DLC1: variants seen among roughly 807,000 people sequenced by gnomAD.
DLC1 encodes the protein rho GTPase-activating protein 7.
Under a neutral mutation model 140.3 loss-of-function variants are expected in DLC1, and 54 were observed. The observed-to-expected ratio is 0.38, with a 90% confidence interval of 0.31 to 0.48. The LOEUF (loss-of-function observed/expected upper bound fraction) is 0.48, where lower values mean the gene tolerates loss of function less well. DLC1 is among the 20% of genes least tolerant of loss of function. DLC1 has a pLI of 0.96. For synonymous variants in DLC1, 986 were observed against 728.1 expected (o/e 1.35, Z -5.70); for missense variants, 2,536 against 1,907.0 (o/e 1.33, Z -6.14).
At chr8:13,422,578 G>A (rs1441302090) in intron 2 of DLC1, among the ~76,000 whole-genome samples, 1 of 152,258 alleles carries the variant, frequency 6.6e-6, no homozygotes, top group Middle Eastern at 3.4e-3. Context: ...TGTTGTGCCA[G>A]TGTAAGTCTC....
chr8:13,603,207 C>T (rs1188001123), intron 1 of DLC1, among the ~76,000 whole-genome samples: 1 of 151,812 alleles, frequency 6.6e-6, no homozygotes, highest in Admixed American at 6.6e-5. Context: ...TGTAGTGTTT[C>T]TAACATCGTG....
rs941412588 is a variant in DLC1 at position 13,102,908 on chromosome 8, G to A, written c.1503-55C>T. ...GATAGGCAACCACTCTCTAATGAGTGGATAAACACCTGTTTTTAAACAATT... is the reference window on the plus strand; with the variant it reads ...GATAGGCAACCACTCTCTAATGAGTAGATAAACACCTGTTTTTAAACAATT... On this transcript the variant is annotated intron_variant, in intron 7 of 17. Transcript: ENST00000276297. The A allele has an allele frequency of 3.7e-5, 53 of 1,435,272 alleles. No homozygotes were observed. The South Asian group carries it at 5.6e-4, about 15-fold the overall frequency. 88.9% of individuals were successfully genotyped at this position (1,435,272 alleles called of 1,614,324 possible). A position where few individuals can be genotyped will look rare whatever the true frequency, so the allele number is the denominator to read the frequency against.
rs182465262 is a variant in DLC1 at position 13,393,521 on chromosome 8, G to A, written c.1314+32C>T. On this transcript the variant is annotated intron_variant, in intron 4 of 17. Coordinates refer to ENST00000276297, the MANE Select transcript of DLC1 (RefSeq NM_182643.3). ...ACCTGATGATCATCAACATTTACAC[G>A]TAGAGACTCTCTGTTATTATTTAGA... 5.2e-5 allele frequency: 84 copies of A among 1,601,060 alleles called. No homozygotes were observed. The Admixed American group carries it at 9.1e-4, about 17-fold the overall frequency.
At chr8:13,343,235 C>G (rs916116126) in intron 4 of DLC1, among the ~76,000 whole-genome samples, 1 of 152,144 alleles carries the variant, frequency 6.6e-6, no homozygotes, top group African/African-American at 2.4e-5. Context: ...CCGGCTTCCT[C>G]CAGTTAGTTC....
intron 2 of DLC1, among the ~76,000 whole-genome samples, chr8:13,486,734 G>GGTCTA (rs113000272): frequency 0.92 from 139,529 of 152,048 alleles, 64,569 homozygotes; most frequent in Non-Finnish European, 0.97. Flanking sequence ...CACCTAGCAT[G>GGTCTA]GTCCACTGAG....
intron 4 of DLC1, among the ~76,000 whole-genome samples, chr8:13,362,720 C>T (rs1835289968): frequency 6.6e-6 from 1 of 152,134 alleles, no homozygotes; most frequent in African/African-American, 2.4e-5. Flanking sequence ...TTACCATAAT[C>T]TCTGTCTCTG....
intron 1 of DLC1, among the ~76,000 whole-genome samples, chr8:13,548,377 C>T (rs1240570365): frequency 1.7e-3 from 1 of 602 alleles, no homozygotes; most frequent in Non-Finnish European, 7.9e-3. Context: ...TACTACACAC[C>T]CCAGTATTAA....
intron 5 of DLC1, among the ~76,000 whole-genome samples, chr8:13,190,386 C>T (rs1050173438): frequency 1.3e-5 from 2 of 152,088 alleles, no homozygotes; most frequent in African/African-American, 4.8e-5. Flanking sequence ...CCACCCATGG[C>T]TGGTGAGGTT....
chr8:13,141,445 C>T (rs1359766369), intron 5 of DLC1, among the ~76,000 whole-genome samples: 1 of 152,020 alleles, frequency 6.6e-6, no homozygotes, highest in South Asian at 2.1e-4. Context: ...TCAAGAGCTA[C>T]GTACAATGCT....
chr8:13,520,637 A>G (rs114439778), intron 1 of DLC1, among the ~76,000 whole-genome samples: 2,336 of 152,276 alleles, frequency 0.015, 69 homozygotes, highest in African/African-American at 0.051. Flanking sequence ...AAAGAAAAAA[A>G]GAAACTTAGC....
chr8:13,266,685 C>T (rs1305644805), intron 5 of DLC1, among the ~76,000 whole-genome samples: 1 of 152,096 alleles, frequency 6.6e-6, no homozygotes, highest in Non-Finnish European at 1.5e-5. Flanking sequence ...GCAGAAGTTG[C>T]TGTGAGCTGA....
intron 5 of DLC1, among the ~76,000 whole-genome samples, chr8:13,156,026 A>C (rs986254653): frequency 6.6e-6 from 1 of 152,172 alleles, no homozygotes; most frequent in African/African-American, 2.4e-5. Context: ...TCATTTGCCA[A>C]CTTAAAAATT....
intron 5 of DLC1, among the ~76,000 whole-genome samples, chr8:13,279,152 A>T (rs906082340): frequency 4.6e-5 from 7 of 152,256 alleles, no homozygotes; most frequent in Non-Finnish European, 7.3e-5. Flanking sequence ...AGGGTGTGGC[A>T]GAATCCTGAG....
At chr8:13,276,546 T>C in intron 5 of DLC1, 2 of 1,289,454 alleles carry the variant, frequency 1.6e-6, no homozygotes, top group Non-Finnish European at 2.0e-6. Flanking sequence ...AAGCGCCAAC[T>C]GCAGGCGGCC....
intron 1 of DLC1, among the ~76,000 whole-genome samples, chr8:13,509,436 A>G (rs1164134320): frequency 6.6e-6 from 1 of 152,166 alleles, no homozygotes; most frequent in African/African-American, 2.4e-5. Context: ...TTTGTCTTCC[A>G]TACATCTCTA....
At chr8:13,324,472 G>T (rs1418397122) in intron 4 of DLC1, among the ~76,000 whole-genome samples, 1 of 151,358 alleles carries the variant, frequency 6.6e-6, no homozygotes, top group Non-Finnish European at 1.5e-5. Context: ...GGAGGCTGAG[G>T]CAGGAGAATG....
At chr8:13,182,054 T>C (rs542636728) in intron 5 of DLC1, among the ~76,000 whole-genome samples, 33 of 152,312 alleles carry the variant, frequency 2.2e-4, no homozygotes, top group Non-Finnish European at 4.0e-4. Context: ...TGGTATCTCA[T>C]TGTGGTTTTG....
chr8:13,516,279 T>C (rs974249479), upstream of DLC1, among the ~76,000 whole-genome samples: 1 of 152,188 alleles, frequency 6.6e-6, no homozygotes. Context: ...TGTGATAAAA[T>C]GAGTAACATA....
rs147887249 is a variant in DLC1, at chr8:13,441,479, T to C, written c.1024-39860A>G. Among the ~76,000 whole-genome samples, 989 of 152,266 alleles carry C rather than the reference T, an allele frequency of 6.5e-3. 12 individuals are homozygous for C. Among genetic ancestry groups the C allele is most frequent in the African/African-American group, 0.022 (932 of 41,564 alleles). On this transcript the variant is annotated intron_variant, in intron 2 of 17. Coordinates refer to ENST00000276297, the MANE Select transcript of DLC1 (RefSeq NM_182643.3). ...AAAACCGCATCGTCACAGCCCAAAA[T>C]CTCCTTAAGCGGATAGGCAACTTCA...
Sources: allele counts gnomAD v4.1 joint callset (sites outside exome capture counted in the v4.1 genomes callset), GRCh38; gene constraint gnomAD v4.1.1; transcripts MANE v1.5; gene names NCBI Gene and HGNC (gene_info 2026-07-23, HGNC 2026-07-21).